MON2: variants seen among roughly 807,000 people sequenced by gnomAD.
MON2 encodes the protein MON2 regulator of endosome-to-Golgi trafficking.
Under a neutral mutation model 208.6 loss-of-function variants are expected in MON2, and 84 were observed. The ratio of observed to expected loss-of-function variants is 0.40; its 90% CI spans 0.34 to 0.48. The LOEUF is 0.48. MON2 is among the 20% of genes least tolerant of loss of function. The pLI is 0.59. For missense variants in MON2, 1,611 were observed against 2,015.4 expected (o/e 0.80, Z 3.84); for synonymous variants, 660 against 694.0 (o/e 0.95, Z 0.77).
chr12:62,472,328 C>T (rs1191632522), intron 1 of MON2, among the ~76,000 whole-genome samples: 4 of 151,980 alleles, frequency 2.6e-5, no homozygotes, highest in South Asian at 2.1e-4. Context: ...ATGATGAAGT[C>T]CAGGGAATGG....
At chr12:62,469,725 G>C (rs1164469178) in intron 1 of MON2, among the ~76,000 whole-genome samples, 1 of 152,080 alleles carries the variant, frequency 6.6e-6, no homozygotes, top group African/African-American at 2.4e-5. Flanking sequence ...TGTTCTTCAA[G>C]AAACTGGTAG....
intron 2 of MON2, among the ~76,000 whole-genome samples, chr12:62,487,189 C>T (rs532401805): frequency 3.3e-5 from 5 of 152,116 alleles, no homozygotes; most frequent in Non-Finnish European, 7.4e-5. Flanking sequence ...AAAAATAAAA[C>T]TTTGAAAATG....
intron 30 of MON2, among the ~76,000 whole-genome samples, chr12:62,577,110 T>C (rs1471972728): frequency 6.6e-6 from 1 of 152,068 alleles, no homozygotes; most frequent in African/African-American, 2.4e-5. Flanking sequence ...ACCCTTACCT[T>C]CCTTGGTTAT....
chr12:62,511,735 A>C (rs1419785452), intron 8 of MON2, among the ~76,000 whole-genome samples: 1 of 152,254 alleles, frequency 6.6e-6, no homozygotes, highest in Non-Finnish European at 1.5e-5. Flanking sequence ...CTAAAAGCAC[A>C]GGCAACAAAA....
At position 62,597,533 on chromosome 12, in the gene MON2, C is replaced by CAA. The variant is rs1372061085; in HGVS notation, c.*4788_*4789dup. On this transcript the variant is annotated 3_prime_UTR_variant, in exon 35 of 35. Transcript: ENST00000393630. ...CTGAACAAGTTAAAGTAATATGTTCCAAAAACTGGAAGTGCCATAAAAAAC... is the reference window on the plus strand; with the variant it reads ...CTGAACAAGTTAAAGTAATATGTTCCAAAAAAACTGGAAGTGCCATAAAAAAC... The CAA allele has an allele frequency of 6.6e-6, 1 of 151,890 alleles. No homozygotes were observed. The highest frequency in any genetic ancestry group is 1.9e-4 in the East Asian group (1 of 5,188). The allele number at this position is 151,890 out of a possible 1,614,324, so 9.4% of individuals were successfully genotyped here.
chr12:62,471,936 T>G (rs1215000844), intron 1 of MON2, among the ~76,000 whole-genome samples: 1 of 152,168 alleles, frequency 6.6e-6, no homozygotes, highest in Admixed American at 6.5e-5. Context: ...TTGTGGGCAG[T>G]TTGGTCTGTG....
At chr12:62,536,712 CAG>C (rs2072992298) in intron 14 of MON2, among the ~76,000 whole-genome samples, 1 of 146,850 alleles carries the variant, frequency 6.8e-6, no homozygotes, top group Admixed American at 6.8e-5. Flanking sequence ...TTTTTTGAGA[CAG>C]AGTCACTCTG....
intron 12 of MON2, among the ~76,000 whole-genome samples, chr12:62,532,990 C>T (rs2072728886): frequency 6.6e-6 from 1 of 152,150 alleles, no homozygotes; most frequent in African/African-American, 2.4e-5. Context: ...TCATCTAACT[C>T]CAGGTCTCAT....
At chr12:62,498,222 G>A (rs2070640242) in intron 4 of MON2, among the ~76,000 whole-genome samples, 1 of 152,008 alleles carries the variant, frequency 6.6e-6, no homozygotes, top group African/African-American at 2.4e-5. Flanking sequence ...AGTGGAAGAA[G>A]GTGGGCCCAA....
intron 21 of MON2, among the ~76,000 whole-genome samples, chr12:62,546,168 CTT>C (rs1274128763): frequency 6.6e-6 from 1 of 151,970 alleles, no homozygotes; most frequent in Non-Finnish European, 1.5e-5. Context: ...CTACATCACA[CTT>C]GAGAATTTTA....
Position 62,597,844 on chromosome 12 carries a change from G to A in MON2, c.*5095G>A, listed in dbSNP as rs1373520817. 6.6e-6 allele frequency: 1 copy of A among 152,134 alleles called. No individual in the cohort carries two copies. Among genetic ancestry groups the A allele is most frequent in the African/African-American group, 2.4e-5 (1 of 41,422 alleles). 9.4% of individuals were successfully genotyped at this position (152,134 alleles called of 1,614,324 possible). On this transcript the variant is annotated 3_prime_UTR_variant, in exon 35 of 35. Coordinates refer to ENST00000393630, the MANE Select transcript of MON2 (RefSeq NM_015026.3). ...AAGGTGGGAGTATCACTTGAGGCCA[G>A]GAGTTTGAGACTAGCCTAGACAACA...
chr12:62,501,456 A>T, intron 6 of MON2, 117 bp from the exon 7 acceptor site: 1 of 1,212,228 alleles, frequency 8.2e-7, no homozygotes, highest in Non-Finnish European at 1.1e-6. Flanking sequence ...TTAGTTTCTA[A>T]GGAGCAAAAA....
intron 1 of MON2, among the ~76,000 whole-genome samples, chr12:62,483,677 T>C (rs542777136): frequency 6.6e-6 from 1 of 152,214 alleles, no homozygotes; most frequent in East Asian, 1.9e-4. Context: ...GATCGTGCCA[T>C]TGGACTCCAG....
rs2069725884 is a variant in MON2 at position 62,485,588 on chromosome 12, C to G, written c.175+1355C>G. 3.3e-5 allele frequency among the ~76,000 whole-genome samples: 5 copies of G among 152,238 alleles called. No homozygotes were observed. The South Asian group carries it at 1.0e-3, about 32-fold the overall frequency. On this transcript the variant is annotated intron_variant, in intron 2 of 34. Coordinates refer to ENST00000393630, the MANE Select transcript of MON2 (RefSeq NM_015026.3). ...CCCAATAGTTTTATAACATTATGCA[C>G]AGAAGTAAATAATGCTCTGTGTGCA...
At chr12:62,565,945 GA>G (rs1184547588) in intron 27 of MON2, 68 bp from the exon 28 acceptor site, 1 of 1,373,464 alleles carries the variant, frequency 7.3e-7, no homozygotes, top group East Asian at 2.4e-5. Context: ...TATATCGTCC[GA>G]AAGTAGTTTA....
intron 25 of MON2, 184 bp from the exon 26 acceptor site, chr12:62,560,307 C>T: frequency 1.8e-6 from 1 of 555,962 alleles, no homozygotes; most frequent in Non-Finnish European, 3.0e-6. Context: ...AATTTTTTTA[C>T]TGAATTTCTA....
At chr12:62,543,068 T>C (rs1325414245) in intron 19 of MON2, 29 bp from the exon 20 acceptor site, 5 of 1,223,336 alleles carry the variant, frequency 4.1e-6, no homozygotes, top group Non-Finnish European at 5.8e-6. Flanking sequence ...CTCCTTATAC[T>C]ATCAAAATAC....
At chr12:62,539,558 C>A (rs990987552) in intron 19 of MON2, among the ~76,000 whole-genome samples, 1 of 151,964 alleles carries the variant, frequency 6.6e-6, no homozygotes, top group Non-Finnish European at 1.5e-5. Context: ...TGAGCCACCG[C>A]GCCCGGCCAT....
chr12:62,509,976 A>G (rs1426711692), intron 8 of MON2, among the ~76,000 whole-genome samples: 1 of 152,138 alleles, frequency 6.6e-6, no homozygotes, highest in East Asian at 1.9e-4. Flanking sequence ...AGGAGACATT[A>G]CAACTGATGC....
Sources: allele counts gnomAD v4.1 joint callset (sites outside exome capture counted in the v4.1 genomes callset), GRCh38; gene constraint gnomAD v4.1.1; transcripts MANE v1.5; gene names NCBI Gene and HGNC (gene_info 2026-07-23, HGNC 2026-07-21).